The following PLCXD3 variants were observed in gnomAD, a reference collection of about 807,000 sequenced individuals.
The protein encoded by PLCXD3 is phosphatidylinositol specific phospholipase C X domain containing 3.
In PLCXD3, 19 loss-of-function variants were observed where a neutral mutation model predicts 25.5. That is an observed-to-expected ratio of 0.75 (90% CI 0.52 to 1.09). PLCXD3 has a LOEUF of 1.09. Among genes scored for constraint, PLCXD3 ranks in the 50% least tolerant of loss-of-function variants. The pLI is 0.00. For synonymous variants in PLCXD3, 174 were observed against 137.6 expected, an observed-to-expected ratio of 1.26 and a Z score of -1.85; for missense variants, 411 against 388.1, an observed-to-expected ratio of 1.06 and a Z score of -0.50.
intron 1 of PLCXD3, among the ~76,000 whole-genome samples, chr5:41,471,619 A>G (rs1748159948): frequency 6.6e-6 from 1 of 152,220 alleles, no homozygotes; most frequent in Non-Finnish European, 1.5e-5. Flanking sequence ...AATGAGCAAT[A>G]AGAAATCATC....
At chr5:41,324,204 A>C (rs1252405039) in intron 2 of PLCXD3, among the ~76,000 whole-genome samples, 4 of 152,206 alleles carry the variant, frequency 2.6e-5, no homozygotes, top group Admixed American at 1.3e-4. Context: ...AGTGTCATGA[A>C]AATCAAGAAA....
chr5:41,422,319 G>C (rs1476418771), intron 1 of PLCXD3, among the ~76,000 whole-genome samples: 1 of 152,140 alleles, frequency 6.6e-6, no homozygotes, highest in African/African-American at 2.4e-5. Flanking sequence ...ATAATGTGGA[G>C]GTAAGAATGT....
At chr5:41,451,187 CT>C (rs1312970695) in intron 1 of PLCXD3, among the ~76,000 whole-genome samples, 1 of 152,020 alleles carries the variant, frequency 6.6e-6, no homozygotes, top group African/African-American at 2.4e-5. Context: ...CTTCATACAC[CT>C]CAACGTAACC....
chr5:41,403,164 G>T (rs1404083073), intron 1 of PLCXD3, among the ~76,000 whole-genome samples: 1 of 151,460 alleles, frequency 6.6e-6, no homozygotes, highest in Non-Finnish European at 1.5e-5. Context: ...TCTACCTTTG[G>T]CTTTACTAAA....
At chr5:41,427,231 A>G (rs1746982051) in intron 1 of PLCXD3, among the ~76,000 whole-genome samples, 1 of 151,938 alleles carries the variant, frequency 6.6e-6, no homozygotes, top group Non-Finnish European at 1.5e-5. Context: ...TTTCTTGCAA[A>G]TCCTATTAGC....
intron 1 of PLCXD3, among the ~76,000 whole-genome samples, chr5:41,412,872 C>T (rs1051631870): frequency 6.6e-6 from 1 of 152,108 alleles, no homozygotes; most frequent in Admixed American, 6.6e-5. Context: ...AACTGTAAAG[C>T]CTTTCTTTAA....
intron 1 of PLCXD3, among the ~76,000 whole-genome samples, chr5:41,486,475 T>A (rs1355359704): frequency 2.0e-5 from 3 of 152,106 alleles, no homozygotes; most frequent in African/African-American, 7.2e-5. Flanking sequence ...AGAAGTTCAG[T>A]GCTAGACACA....
At chr5:41,472,357 T>C (rs1303927781) in intron 1 of PLCXD3, among the ~76,000 whole-genome samples, 3 of 152,164 alleles carry the variant, frequency 2.0e-5, no homozygotes, top group East Asian at 1.9e-4. Context: ...GGCCTAAGAA[T>C]TGGGAAAAAC....
In PLCXD3 at chr5:41,329,023, T is replaced by G. The variant is rs74977882; in HGVS notation, c.813-15253A>C. Among the ~76,000 whole-genome samples, 26 of 152,334 alleles carry G rather than the reference T, an allele frequency of 1.7e-4. No individual in the cohort carries two copies. The East Asian group carries it at 4.8e-3, about 28-fold the overall frequency. ...CACTAGAGGTTTCTTCAGTTTCATCTCTTGTCATTCTTCCCATCAGTGAAT... is the reference window on the plus strand; with the variant it reads ...CACTAGAGGTTTCTTCAGTTTCATCGCTTGTCATTCTTCCCATCAGTGAAT... On this transcript the variant is annotated intron_variant, in intron 2 of 2. Transcript: ENST00000377801.
intron 1 of PLCXD3, among the ~76,000 whole-genome samples, chr5:41,422,823 A>G (rs1746860456): frequency 6.6e-6 from 1 of 152,020 alleles, no homozygotes; most frequent in Non-Finnish European, 1.5e-5. Context: ...TTGATACTGT[A>G]CTAGCTGGTC....
intron 2 of PLCXD3, among the ~76,000 whole-genome samples, chr5:41,371,380 C>T (rs564530384): frequency 1.1e-4 from 16 of 152,224 alleles, no homozygotes; most frequent in African/African-American, 3.6e-4. Context: ...CCCACAATAC[C>T]GACTTCAGAT....
chr5:41,315,011 T>C (rs970315128), intron 2 of PLCXD3, among the ~76,000 whole-genome samples: 3 of 152,152 alleles, frequency 2.0e-5, no homozygotes, highest in African/African-American at 7.2e-5. Flanking sequence ...AAGGTGAGAA[T>C]GGTAGATGGA....
chr5:41,503,391 C>T lies in PLCXD3; in HGVS notation c.103+7033G>A, dbSNP rs570017800. Among the ~76,000 whole-genome samples the T allele has an allele frequency of 2.0e-4, 31 of 152,218 alleles. No individual in the cohort carries two copies. The South Asian group carries it at 2.5e-3, about 12-fold the overall frequency. Reference sequence around the variant, plus strand: ...TTCTATGTAAAACATAACATTAGCTCGCATTTAAGATAGAGTGTTGTAAGA... The same window carrying T: ...TTCTATGTAAAACATAACATTAGCTTGCATTTAAGATAGAGTGTTGTAAGA... On this transcript the variant is annotated intron_variant, in intron 1 of 2. Coordinates refer to ENST00000377801, the MANE Select transcript of PLCXD3 (RefSeq NM_001005473.3).
chr5:41,492,333 G>C (rs1355365336), intron 1 of PLCXD3, among the ~76,000 whole-genome samples: 1 of 151,702 alleles, frequency 6.6e-6, no homozygotes, highest in African/African-American at 2.4e-5. Context: ...TCCCTTTGTG[G>C]GTAACCCGAC....
intron 2 of PLCXD3, among the ~76,000 whole-genome samples, chr5:41,371,468 A>G (rs1446676438): frequency 2.0e-5 from 3 of 152,138 alleles, no homozygotes; most frequent in Non-Finnish European, 4.4e-5. Flanking sequence ...CTCTAGCCCT[A>G]TGGATTAGGC....
intron 1 of PLCXD3, among the ~76,000 whole-genome samples, chr5:41,460,562 A>G (rs1439826074): frequency 6.6e-6 from 1 of 151,990 alleles, no homozygotes. Context: ...CAGTTTATGT[A>G]TGACATCTAC....
At chr5:41,413,517 T>C (rs1468064978) in intron 1 of PLCXD3, among the ~76,000 whole-genome samples, 1 of 152,200 alleles carries the variant, frequency 6.6e-6, no homozygotes, top group Non-Finnish European at 1.5e-5. Flanking sequence ...TTCAAAAAAA[T>C]GGTCCTTGCC....
chr5:41,502,257 T>G (rs1748966924), intron 1 of PLCXD3, among the ~76,000 whole-genome samples: 2 of 152,064 alleles, frequency 1.3e-5, no homozygotes, highest in Non-Finnish European at 1.5e-5. Flanking sequence ...GTGGGTTCAA[T>G]GGTGGGAAAC....
intron 2 of PLCXD3, among the ~76,000 whole-genome samples, chr5:41,339,197 A>C (rs1209241746): frequency 6.6e-6 from 1 of 152,076 alleles, no homozygotes; most frequent in Non-Finnish European, 1.5e-5. Flanking sequence ...CTGCTTCCAA[A>C]GAAGATATAA....
Sources: allele counts gnomAD v4.1 joint callset (sites outside exome capture counted in the v4.1 genomes callset), GRCh38; gene constraint gnomAD v4.1.1; transcripts MANE v1.5; gene names NCBI Gene and HGNC (gene_info 2026-07-23, HGNC 2026-07-21).